The following BAIAP2 variants were observed in gnomAD, a reference collection of about 807,000 sequenced individuals.
BAIAP2 encodes BAR/IMD domain containing adaptor protein 2, also known as BAR/IMD domain-containing adapter protein 2.
A neutral mutation model predicts 63.0 loss-of-function variants in BAIAP2; 18 were observed. The observed-to-expected ratio is 0.29, with a 90% CI of 0.20 to 0.42. The LOEUF (loss-of-function observed/expected upper bound fraction) is 0.42. Among genes scored for constraint, BAIAP2 ranks in the 10% least tolerant of loss-of-function variants. The probability of loss-of-function intolerance (pLI) is 1.00; values close to 1 mark genes in which losing one functional copy is unlikely to be tolerated. For missense variants in BAIAP2, 610 were observed against 734.3 expected, an observed-to-expected ratio of 0.83 and a Z score of 1.96; for synonymous variants, 386 against 307.6, an observed-to-expected ratio of 1.25 and a Z score of -2.67.
At chr17:81,044,452 T>A (rs758721754) in intron 1 of BAIAP2, among the ~76,000 whole-genome samples, 2 of 152,246 alleles carry the variant, frequency 1.3e-5, no homozygotes, top group African/African-American at 2.4e-5. Flanking sequence ...GCCCTCTTTC[T>A]TGTAAGGCGC....
At chr17:81,091,152 C>T (rs1280779924) in intron 6 of BAIAP2, among the ~76,000 whole-genome samples, 13 of 149,800 alleles carry the variant, frequency 8.7e-5, no homozygotes, top group South Asian at 2.1e-4. Flanking sequence ...CAGGAGGCCC[C>T]GTCCCTCCAG....
At position 81,116,526 on chromosome 17, in the gene BAIAP2, G is replaced by A. The variant is rs959439765; in HGVS notation, c.*687G>A. On this transcript the variant is annotated 3_prime_UTR_variant, in exon 14 of 14. Coordinates refer to ENST00000428708, the MANE Select transcript of BAIAP2 (RefSeq NM_001144888.2). ...CCTTGCTGCCAGGGCCTCCCAGCTCGCTCCTGCGGCCAAAGGCCAGCTGTC... is the reference window on the plus strand; with the variant it reads ...CCTTGCTGCCAGGGCCTCCCAGCTCACTCCTGCGGCCAAAGGCCAGCTGTC... The A allele has an allele frequency of 2.8e-5, 17 of 617,564 alleles. No homozygotes were observed. The highest frequency in any genetic ancestry group is 3.9e-5 in the Non-Finnish European group (14 of 360,668). 38.3% of individuals were successfully genotyped at this position (617,564 alleles called of 1,614,324 possible).
At chr17:81,083,764 C>T (rs1051135833) in intron 3 of BAIAP2, 1 of 152,246 alleles carries the variant, frequency 6.6e-6, no homozygotes, top group Non-Finnish European at 1.5e-5. Flanking sequence ...GCGGTCATGT[C>T]TCAAATGGGA....
chr17:81,116,274 A>C lies in BAIAP2; in HGVS notation c.*435A>C, dbSNP rs1285619464. On this transcript the variant is annotated 3_prime_UTR_variant, in exon 14 of 14. Transcript: ENST00000428708. ...GGGCCAGAAGGCCGGGAGCACGGGG[A>C]TGGGAGCGCCCGCACCCTGGCTGGA... The C allele has an allele frequency of 1.2e-6, 2 of 1,612,864 alleles. No homozygotes were observed. Among genetic ancestry groups the C allele is most frequent in the South Asian group, 1.1e-5 (1 of 91,088 alleles).
chr17:81,079,659 T>G (rs4969379), intron 3 of BAIAP2, among the ~76,000 whole-genome samples: 140,940 of 152,188 alleles, frequency 0.93, 65,590 homozygotes, highest in East Asian at 1. Flanking sequence ...GCCACCTGCT[T>G]TCCATCACCC....
chr17:81,048,081 C>T (rs531480356), intron 1 of BAIAP2, among the ~76,000 whole-genome samples: 2 of 152,318 alleles, frequency 1.3e-5, no homozygotes, highest in Admixed American at 6.5e-5. Context: ...GGAAGGAGAG[C>T]CAAGGGATAA....
intron 5 of BAIAP2, among the ~76,000 whole-genome samples, chr17:81,086,169 C>A (rs530989660): frequency 7.9e-5 from 12 of 151,876 alleles, no homozygotes; most frequent in South Asian, 6.2e-4. Context: ...GAGGGGTGGG[C>A]CTCGGCCACT....
At position 81,088,106 on chromosome 17, in the gene BAIAP2, T is replaced by C. The variant is rs556412360; in HGVS notation, c.489+1526T>C. On this transcript the variant is annotated intron_variant, in intron 6 of 13. Transcript: ENST00000428708. ...CCCACCGTGGAACGTTTTGCTACTT[T>C]GCTTTCTGAAGACAAGCAGCGGACG... 9.9e-4 allele frequency among the ~76,000 whole-genome samples: 150 copies of C among 152,176 alleles called. 2 individuals carry two copies. The highest frequency in any genetic ancestry group is 3.4e-3 in the Middle Eastern group (1 of 294).
At chr17:81,047,834 G>A (rs957876843) in intron 1 of BAIAP2, among the ~76,000 whole-genome samples, 1 of 152,312 alleles carries the variant, frequency 6.6e-6, no homozygotes, top group East Asian at 1.9e-4. Flanking sequence ...TAGCACACTC[G>A]TGAGTGTACA....
chr17:81,114,867 T>C (rs1178883531), intron 13 of BAIAP2, among the ~76,000 whole-genome samples: 3 of 152,208 alleles, frequency 2.0e-5, no homozygotes, highest in African/African-American at 7.2e-5. Context: ...TGGACCCAGC[T>C]GTGCCAGAGG....
rs1286816699 is a variant in BAIAP2, at chr17:81,100,027, C to T, written c.589C>T (p.Leu197=). The stretch of plus-strand genomic sequence containing the variant: ...AGAGGAGCGCAGGCGCTTCTGCTTC[C>T]TGGTGGAGAAGCAGTGCGCCGTGGC... ...LTEERRRFCF[L]VEKQCAVAKN... Residue 197 remains leucine (L), a synonymous_variant, in exon 7 of 14, where the codon CTG becomes TTG. Coordinates refer to ENST00000428708, the MANE Select transcript of BAIAP2 (RefSeq NM_001144888.2). 2 of 1,612,792 alleles carry T rather than the reference C, an allele frequency of 1.2e-6. No homozygotes were observed. The highest frequency in any genetic ancestry group is 1.1e-5 in the South Asian group (1 of 91,080).
At position 81,115,859 on chromosome 17, in the gene BAIAP2, G is replaced by A. The variant is rs2146247429; in HGVS notation, c.*20G>A. On this transcript the variant is annotated 3_prime_UTR_variant, in exon 14 of 14. Transcript: ENST00000428708. Reference sequence around the variant, plus strand: ...AGCTGATGGCCACATCTGCAGTGCTGCCCATCTGGTGGCTTCCCCCGCCCT... The same window carrying A: ...AGCTGATGGCCACATCTGCAGTGCTACCCATCTGGTGGCTTCCCCCGCCCT... 6.2e-7 allele frequency: 1 copy of A among 1,612,828 alleles called. No homozygotes were observed. The highest frequency in any genetic ancestry group is 2.2e-5 in the East Asian group (1 of 44,876).
At chr17:81,112,374 G>A (rs538667314) in intron 13 of BAIAP2, among the ~76,000 whole-genome samples, 9 of 152,332 alleles carry the variant, frequency 5.9e-5, no homozygotes, top group East Asian at 1.9e-4. Flanking sequence ...TCCCGGCCAC[G>A]CAGTCTGCCT....
chr17:81,090,767 C>T (rs903903799), intron 6 of BAIAP2, among the ~76,000 whole-genome samples: 3 of 139,912 alleles, frequency 2.1e-5, no homozygotes, highest in Non-Finnish European at 3.2e-5. Flanking sequence ...GGCCACCATC[C>T]TGGGGTGAGT....
At position 81,063,527 on chromosome 17, in the gene BAIAP2, C is replaced by T. The variant is rs566355083; in HGVS notation, c.217+5560C>T. Among the ~76,000 whole-genome samples the T allele has an allele frequency of 3.3e-5, 5 of 152,338 alleles. No individual in the cohort carries two copies. In the East Asian group the frequency reaches 9.6e-4, roughly 29 times the overall value. On this transcript the variant is annotated intron_variant, in intron 3 of 13. Transcript: ENST00000428708. The stretch of plus-strand genomic sequence containing the variant: ...CTGCGGGATGAATTCCACAAGGCCC[C>T]GTGGGGTTGTGCGGCAGCCACTTGG...
chr17:81,094,571 G>T (rs2057327956), intron 6 of BAIAP2, among the ~76,000 whole-genome samples: 1 of 152,158 alleles, frequency 6.6e-6, no homozygotes, highest in African/African-American at 2.4e-5. Flanking sequence ...CCTCTGCTCA[G>T]CCCAGCCCGG....
In BAIAP2 at chr17:81,035,317, C is replaced by T. The variant is rs774660651; in HGVS notation, c.54+9C>T. On this transcript the variant is annotated intron_variant, in intron 1 of 13. Transcript: ENST00000428708. Reference sequence around the variant, plus strand: ...CGGAAAATGTCTATAAGGTGAGCGCCCCCCGGCGCCGAGCTGAGCCCGCTC... The same window carrying T: ...CGGAAAATGTCTATAAGGTGAGCGCTCCCCGGCGCCGAGCTGAGCCCGCTC... The T allele has an allele frequency of 2.1e-6, 3 of 1,433,182 alleles. No individual in the cohort carries two copies. Among genetic ancestry groups the T allele is most frequent in the Non-Finnish European group, 2.8e-6 (3 of 1,079,998 alleles). 88.8% of individuals were successfully genotyped at this position (1,433,182 alleles called of 1,614,324 possible). A position where few individuals can be genotyped will look rare whatever the true frequency, so the allele number is the denominator to read the frequency against.
intron 3 of BAIAP2, among the ~76,000 whole-genome samples, chr17:81,062,230 C>T (rs1164512852): frequency 2.6e-5 from 4 of 152,136 alleles, no homozygotes; most frequent in African/African-American, 9.7e-5. Flanking sequence ...AGATTACAGG[C>T]ATGAGCCATC....
intron 6 of BAIAP2, among the ~76,000 whole-genome samples, chr17:81,097,322 A>T (rs1407885002): frequency 1.3e-5 from 2 of 152,218 alleles, no homozygotes; most frequent in Non-Finnish European, 2.9e-5. Context: ...CCTTGGGGAC[A>T]GCATGGTCTG....
Sources: gnomAD v4.1 joint callset for allele counts (sites outside exome capture counted in the v4.1 genomes callset) on GRCh38, gnomAD v4.1.1 for gene constraint, MANE v1.5 for transcripts, NCBI Gene and HGNC (gene_info 2026-07-23, HGNC 2026-07-21) for gene names.